Variants in DSCAM observed in about 807,000 individuals in gnomAD.
The protein encoded by DSCAM is cell adhesion molecule DSCAM.
In DSCAM, 47 loss-of-function variants were observed where a neutral mutation model predicts 217.7. That is an observed-to-expected ratio of 0.22 (90% CI 0.17 to 0.28). DSCAM has a LOEUF of 0.28. DSCAM is among the 10% of genes least tolerant of loss of function. DSCAM has a pLI of 1.00. For synonymous variants in DSCAM, 1,056 were observed against 1,015.3 expected (o/e 1.04, Z -0.76); for missense variants, 2,080 against 2,618.3 (o/e 0.79, Z 4.49).
At chr21:40,258,585 T>C (rs2073405768) in intron 11 of DSCAM, among the ~76,000 whole-genome samples, 1 of 152,240 alleles carries the variant, frequency 6.6e-6, no homozygotes, top group Admixed American at 6.5e-5. Context: ...TGTGCTAACA[T>C]TCTTAAATGT....
intron 3 of DSCAM, among the ~76,000 whole-genome samples, chr21:40,613,706 GTTC>G (rs1302092350): frequency 1.3e-5 from 2 of 151,742 alleles, no homozygotes; most frequent in African/African-American, 4.8e-5. Context: ...GTAGCTACTA[GTTC>G]TTCTTTAGGA....
chr21:40,528,647 C>T (rs1366258336), intron 3 of DSCAM, among the ~76,000 whole-genome samples: 2 of 152,110 alleles, frequency 1.3e-5, no homozygotes, highest in African/African-American at 4.8e-5. Context: ...ACTAACTGGT[C>T]TATTCCTTAA....
intron 3 of DSCAM, among the ~76,000 whole-genome samples, chr21:40,644,827 G>A (rs2089925235): frequency 6.6e-6 from 1 of 152,104 alleles, no homozygotes; most frequent in Non-Finnish European, 1.5e-5. Flanking sequence ...CCAAGAACCT[G>A]GACAACTCAC....
intron 8 of DSCAM, among the ~76,000 whole-genome samples, chr21:40,313,816 G>A (rs550430251): frequency 6.6e-6 from 1 of 152,126 alleles, no homozygotes; most frequent in South Asian, 2.1e-4. Flanking sequence ...CAGGGGCTTG[G>A]AAATGACTAA....
At chr21:40,448,757 AAATC>A (rs1367147044) in intron 3 of DSCAM, among the ~76,000 whole-genome samples, 2 of 152,152 alleles carry the variant, frequency 1.3e-5, no homozygotes, top group African/African-American at 4.8e-5. Context: ...TATTCTCACA[AAATC>A]AATTCAAAAA....
chr21:40,414,675 A>G (rs533499098), intron 3 of DSCAM, among the ~76,000 whole-genome samples: 1 of 152,354 alleles, frequency 6.6e-6, no homozygotes, highest in East Asian at 1.9e-4. Context: ...TGTGAAATAC[A>G]TTGATCCAGT....
rs1334746078 is a variant in DSCAM, at chr21:40,774,979, C to T, written c.44-66208G>A. Among the ~76,000 whole-genome samples the T allele has an allele frequency of 8.5e-5, 4 of 47,304 alleles. No individual in the cohort carries two copies. In the Admixed American group the frequency reaches 9.2e-4, roughly 11 times the overall value. The allele number at this position is 47,304 out of a possible 152,430, so 31.0% of individuals were successfully genotyped here. On this transcript the variant is annotated intron_variant, in intron 1 of 32. Transcript: ENST00000400454. ...AAATTATTATGTAATAATTATATAA[C>T]ATATAATTATAATTTTTACAAAATA...
chr21:40,411,371 GAACA>G (rs1265054701), intron 3 of DSCAM, among the ~76,000 whole-genome samples: 9 of 152,090 alleles, frequency 5.9e-5, no homozygotes, highest in Admixed American at 1.3e-4. Flanking sequence ...GGGAAAGATA[GAACA>G]AAGGATAGAT....
chr21:40,603,241 T>C (rs1428123407), intron 3 of DSCAM, among the ~76,000 whole-genome samples: 1 of 152,184 alleles, frequency 6.6e-6, no homozygotes, highest in African/African-American at 2.4e-5. Context: ...TCTTTTATAG[T>C]CCAGAATATA....
In DSCAM at chr21:40,240,349, GTTTTTTTTTTTTT is replaced by G. The variant is rs749073872; in HGVS notation, c.2356+35735_2356+35747del. ...AGCTACTGCAGTAGCTTCCTCACTG[GTTTTTTTTTTTTT>G]TTTTTTTTTTTGCCTCCTTTTCTAT... On this transcript the variant is annotated intron_variant, in intron 11 of 32. Transcript: ENST00000400454. Among the ~76,000 whole-genome samples the G allele has an allele frequency of 1.7e-4, 10 of 57,734 alleles. No individual in the cohort carries two copies. The South Asian group carries it at 6.0e-3, about 35-fold the overall frequency. 37.9% of individuals were successfully genotyped at this position (57,734 alleles called of 152,430 possible).
chr21:40,110,003 C>T (rs1421000819), intron 20 of DSCAM, among the ~76,000 whole-genome samples: 2 of 152,188 alleles, frequency 1.3e-5, no homozygotes, highest in Non-Finnish European at 1.5e-5. Context: ...AGGGCATAGC[C>T]AAACAAAAGG....
At chr21:40,431,472 T>C (rs2075531369) in intron 3 of DSCAM, among the ~76,000 whole-genome samples, 4 of 152,090 alleles carry the variant, frequency 2.6e-5, no homozygotes, top group Admixed American at 2.6e-4. Flanking sequence ...CTCCTCAGCC[T>C]ACTCAATGTG....
At chr21:40,136,948 G>T (rs1259956065) in intron 18 of DSCAM, among the ~76,000 whole-genome samples, 1 of 152,140 alleles carries the variant, frequency 6.6e-6, no homozygotes, top group Non-Finnish European at 1.5e-5. Flanking sequence ...GCCAAGGCGG[G>T]TGGATCACGA....
At chr21:40,050,808 C>T (rs1446386499) in intron 30 of DSCAM, among the ~76,000 whole-genome samples, 2 of 152,164 alleles carry the variant, frequency 1.3e-5, no homozygotes, top group Non-Finnish European at 2.9e-5. Context: ...CTGGCACACA[C>T]CCCTTTGCAA....
At chr21:40,088,495 T>C (rs774189281) in intron 21 of DSCAM, among the ~76,000 whole-genome samples, 12 of 152,196 alleles carry the variant, frequency 7.9e-5, no homozygotes, top group Non-Finnish European at 1.6e-4. Context: ...CTCTGGGCAC[T>C]GTGGGCAAGA....
intron 1 of DSCAM, among the ~76,000 whole-genome samples, chr21:40,827,781 T>C (rs1291715319): frequency 6.6e-6 from 1 of 152,116 alleles, no homozygotes; most frequent in Admixed American, 6.5e-5. Context: ...ACAGGCAACT[T>C]TGTGTATCGT....
Position 40,214,132 on chromosome 21 carries a change from T to A in DSCAM, c.2357-24894A>T, listed in dbSNP as rs954725473. 2.0e-4 allele frequency among the ~76,000 whole-genome samples: 31 copies of A among 152,320 alleles called. No homozygotes were observed. In the East Asian group the frequency reaches 2.3e-3, roughly 11 times the overall value. ...AACAAGGCATCCCTTCTATTCTTGC[T>A]CCTAAGGATTTCAGGTAGTTTGTTG... On this transcript the variant is annotated intron_variant, in intron 11 of 32. Transcript: ENST00000400454.
chr21:40,777,889 A>T (rs1416330208), intron 1 of DSCAM, among the ~76,000 whole-genome samples: 2 of 152,192 alleles, frequency 1.3e-5, no homozygotes, highest in African/African-American at 4.8e-5. Flanking sequence ...ATCTTAAATG[A>T]AGCCATAGAG....
chr21:40,192,264 C>G (rs1277675296), intron 11 of DSCAM, among the ~76,000 whole-genome samples: 1 of 152,132 alleles, frequency 6.6e-6, no homozygotes, highest in South Asian at 2.1e-4. Context: ...TGTGTCCCCA[C>G]CCAACTCTCA....
Sources: allele counts gnomAD v4.1 joint callset (sites outside exome capture counted in the v4.1 genomes callset), GRCh38; gene constraint gnomAD v4.1.1; transcripts MANE v1.5; gene names NCBI Gene and HGNC (gene_info 2026-07-23, HGNC 2026-07-21).